KCNH5: variants seen among roughly 807,000 people sequenced by gnomAD.
The protein encoded by KCNH5 is potassium voltage-gated channel subfamily H member 5, also known as voltage-gated delayed rectifier potassium channel KCNH5.
In KCNH5, 46 loss-of-function variants were observed where a neutral mutation model predicts 96.1. The ratio of observed to expected loss-of-function variants is 0.48; its 90% CI spans 0.38 to 0.61. KCNH5 has a LOEUF of 0.61. Ranked by LOEUF, KCNH5 falls within the 20% of genes least tolerant of loss-of-function variation. KCNH5 has a pLI of 0.00. For synonymous variants in KCNH5, 439 were observed against 449.8 expected, an observed-to-expected ratio of 0.98 and a Z score of 0.30; for missense variants, 907 against 1,225.8, an observed-to-expected ratio of 0.74 and a Z score of 3.88.
At chr14:62,869,798 C>CT (rs1385174036) in intron 7 of KCNH5, among the ~76,000 whole-genome samples, 15 of 152,158 alleles carry the variant, frequency 9.9e-5, no homozygotes, top group Non-Finnish European at 4.4e-5. Flanking sequence ...CGCCACACAT[C>CT]TACAACCATC....
chr14:62,774,381 G>A (rs757102731), intron 10 of KCNH5, among the ~76,000 whole-genome samples: 4 of 152,114 alleles, frequency 2.6e-5, no homozygotes, highest in East Asian at 3.9e-4. Flanking sequence ...AGAGTCCCCC[G>A]AAATCAAGTT....
At chr14:63,020,537 C>T (rs932894023) in intron 1 of KCNH5, among the ~76,000 whole-genome samples, 3 of 152,114 alleles carry the variant, frequency 2.0e-5, no homozygotes, top group South Asian at 2.1e-4. Context: ...AAAACAGCCA[C>T]TAAAGTAGGT....
intron 6 of KCNH5, among the ~76,000 whole-genome samples, chr14:62,973,767 C>G (rs1057344737): frequency 6.6e-6 from 1 of 152,116 alleles, no homozygotes; most frequent in African/African-American, 2.4e-5. Context: ...AGTTATACCA[C>G]TGAAGTATTA....
chr14:62,974,618 C>T (rs1890467914), intron 6 of KCNH5, among the ~76,000 whole-genome samples: 1 of 152,078 alleles, frequency 6.6e-6, no homozygotes, highest in African/African-American at 2.4e-5. Context: ...GAGAGCGTGT[C>T]GACAATCTTG....
chr14:63,039,104 G>A (rs1178013079), intron 1 of KCNH5, among the ~76,000 whole-genome samples: 1 of 151,958 alleles, frequency 6.6e-6, no homozygotes, highest in Non-Finnish European at 1.5e-5. Context: ...AGTACTTTAA[G>A]ACATGTTTCA....
chr14:63,016,923 A>C lies in KCNH5; in HGVS notation c.105T>G (p.Ile35Met). 6.2e-7 allele frequency: 1 copy of C among 1,607,064 alleles called. No homozygotes were observed. Among genetic ancestry groups the C allele is most frequent in the Non-Finnish European group, 8.5e-7 (1 of 1,176,592 alleles). ...ESSFLLGNAQ[I>M]VDWPVVYSND... ...TACTATAAACTACAGGCCAATCCACAATCTGGGCATTTCCCAGTAAGAAAC... is the reference window on the plus strand; with the variant it reads ...TACTATAAACTACAGGCCAATCCACCATCTGGGCATTTCCCAGTAAGAAAC... The change falls in exon 2 of 11, where the codon ATT becomes ATG. Residue 35 changes from isoleucine (I) to methionine (M), a missense_variant. Transcript: ENST00000322893.
intron 8 of KCNH5, among the ~76,000 whole-genome samples, chr14:62,840,472 C>A (rs576001491): frequency 2.6e-5 from 4 of 152,070 alleles, no homozygotes; most frequent in Admixed American, 2.6e-4. Flanking sequence ...GCACCCCAGG[C>A]AGCTGGCAAT....
intron 10 of KCNH5, among the ~76,000 whole-genome samples, chr14:62,742,401 C>A (rs117653828): frequency 0.031 from 4,785 of 152,200 alleles, 132 homozygotes; most frequent in South Asian, 0.062. Context: ...TATGTCGATA[C>A]CCCCAGGTGA....
At chr14:62,817,189 T>TATATATC (rs1282064588) in intron 8 of KCNH5, among the ~76,000 whole-genome samples, 19 of 139,378 alleles carry the variant, frequency 1.4e-4, no homozygotes, top group Admixed American at 7.1e-4. Flanking sequence ...TACTATATAT[T>TATATATC]ATATATCATA....
chr14:62,933,944 A>G (rs1223834091), intron 7 of KCNH5, among the ~76,000 whole-genome samples: 3 of 152,018 alleles, frequency 2.0e-5, no homozygotes, highest in Non-Finnish European at 4.4e-5. Flanking sequence ...CTTCCCTGGT[A>G]TTAGCCATTA....
intron 7 of KCNH5, among the ~76,000 whole-genome samples, chr14:62,932,378 C>G (rs1438344057): frequency 1.4e-5 from 2 of 144,324 alleles, no homozygotes; most frequent in African/African-American, 5.1e-5. Context: ...CAAGCAGAAA[C>G]AAAAACTCAA....
chr14:62,995,236 C>G (rs1890885026), intron 4 of KCNH5, among the ~76,000 whole-genome samples: 1 of 152,046 alleles, frequency 6.6e-6, no homozygotes, highest in Non-Finnish European at 1.5e-5. Flanking sequence ...GACTTGGACC[C>G]TTGTTCCAAT....
chr14:63,022,334 C>A (rs570376478), intron 1 of KCNH5, among the ~76,000 whole-genome samples: 1 of 152,296 alleles, frequency 6.6e-6, no homozygotes, highest in Non-Finnish European at 1.5e-5. Flanking sequence ...CATCACCCAA[C>A]TCCAGCCCTC....
chr14:62,780,846 G>A (rs545389862), intron 9 of KCNH5, among the ~76,000 whole-genome samples: 1 of 152,226 alleles, frequency 6.6e-6, no homozygotes, highest in South Asian at 2.1e-4. Flanking sequence ...CAACTTCCAC[G>A]TGAAAGGAAA....
At chr14:62,795,039 C>G (rs761067011) in intron 9 of KCNH5, among the ~76,000 whole-genome samples, 15 of 152,082 alleles carry the variant, frequency 9.9e-5, no homozygotes, top group Non-Finnish European at 1.8e-4. Flanking sequence ...CGTGTGTGGT[C>G]TGAGATACTT....
chr14:62,855,114 A>C (rs932276199), intron 7 of KCNH5, among the ~76,000 whole-genome samples: 1 of 151,910 alleles, frequency 6.6e-6, no homozygotes, highest in African/African-American at 2.4e-5. Flanking sequence ...AGGAAGCCCG[A>C]GCATTTTTCT....
intron 6 of KCNH5, among the ~76,000 whole-genome samples, chr14:62,974,455 C>A (rs1044117305): frequency 6.6e-6 from 1 of 152,176 alleles, no homozygotes; most frequent in Non-Finnish European, 1.5e-5. Flanking sequence ...TGACAACATT[C>A]TTTTACCCTC....
chr14:62,840,566 C>CTTTTTTTTTTTTTTTTTTTTTTTTTT (rs71120238), intron 8 of KCNH5, among the ~76,000 whole-genome samples: 3 of 76,366 alleles, frequency 3.9e-5, no homozygotes, highest in Non-Finnish European at 6.8e-5. Flanking sequence ...TCTTTTTTTT[C>CTTTTTTTTTTTTTTTTTTTTTTTTTT]TTTTTTTTTT....
rs117807319 is a variant in KCNH5, at chr14:62,974,299, C to T, written c.942+6573G>A. Among the ~76,000 whole-genome samples, 31 of 151,974 alleles carry T rather than the reference C, an allele frequency of 2.0e-4. No individual in the cohort carries two copies. The East Asian group carries it at 5.6e-3, about 27-fold the overall frequency. On this transcript the variant is annotated intron_variant, in intron 6 of 10. Coordinates refer to ENST00000322893, the MANE Select transcript of KCNH5 (RefSeq NM_139318.5). ...TGAATCCTCCTATGCTACCAAACAG[C>T]GTGTTATCTGCAGCTGCTCCATCTT...
Sources: allele counts gnomAD v4.1 joint callset (sites outside exome capture counted in the v4.1 genomes callset), GRCh38; gene constraint gnomAD v4.1.1; transcripts MANE v1.5; gene names NCBI Gene and HGNC (gene_info 2026-07-23, HGNC 2026-07-21).